The following TENM3 variants were observed in gnomAD, a reference collection of about 807,000 sequenced individuals.
The protein encoded by TENM3 is teneurin-3.
TENM3 carries 63 observed loss-of-function variants against 255.1 expected under a neutral mutation model. The observed-to-expected ratio is 0.25, with a 90% CI of 0.20 to 0.30. TENM3 has a LOEUF of 0.30. Ranked by LOEUF, TENM3 falls within the 10% of genes least tolerant of loss-of-function variation. The probability of loss-of-function intolerance (pLI) is 1.00; values close to 1 mark genes in which losing one functional copy is unlikely to be tolerated. For synonymous variants in TENM3, 1,306 were observed against 1,322.3 expected (o/e 0.99, Z 0.27); for missense variants, 2,929 against 3,461.1 (o/e 0.85, Z 3.86).
intron 24 of TENM3, among the ~76,000 whole-genome samples, chr4:182,776,267 C>T (rs1489418285): frequency 2.0e-5 from 3 of 152,100 alleles, no homozygotes. Flanking sequence ...CAAAAATCAG[C>T]CAGGCGTGGA....
chr4:181,585,515 A>C, the TENM3 span, among the ~76,000 whole-genome samples: 3,504 of 152,298 alleles, frequency 0.023, 157 homozygotes, highest in African/African-American at 0.081. Context: ...ATATACTAAA[A>C]AATGAGACTA....
rs556765217 is a variant in TENM3 at position 182,287,537 on chromosome 4, G to T, written c.-75-36409G>T. ...GAAATGTTTGTCCTGACCAGCCTAGGACAAGTAGTTGTCCTCTCCTCAACA... is the reference window on the plus strand; with the variant it reads ...GAAATGTTTGTCCTGACCAGCCTAGTACAAGTAGTTGTCCTCTCCTCAACA... On this transcript the variant is annotated intron_variant, in intron 1 of 27. Transcript: ENST00000511685. Among the ~76,000 whole-genome samples, 5 of 152,266 alleles carry T rather than the reference G, an allele frequency of 3.3e-5. No homozygotes were observed. The East Asian group carries it at 5.8e-4, about 18-fold the overall frequency.
At chr4:181,727,286 C>CTT in the TENM3 span, among the ~76,000 whole-genome samples, 1 of 152,180 alleles carries the variant, frequency 6.6e-6, no homozygotes. Flanking sequence ...TTCCAAAAAT[C>CTT]ACCTCATTAA....
At chr4:181,755,356 C>CT in the TENM3 span, among the ~76,000 whole-genome samples, 16 of 151,068 alleles carry the variant, frequency 1.1e-4, no homozygotes, top group East Asian at 1.9e-4. Context: ...TTTGTACTCA[C>CT]TTTTTTTTTA....
the TENM3 span, among the ~76,000 whole-genome samples, chr4:181,549,318 A>G: frequency 6.6e-6 from 1 of 152,122 alleles, no homozygotes; most frequent in African/African-American, 2.4e-5. Flanking sequence ...GATGACTCAC[A>G]TCCTCTTTAT....
At chr4:182,349,993 T>C (rs1765065455) in intron 3 of TENM3, 1 of 161,540 alleles carries the variant, frequency 6.2e-6, no homozygotes, top group Admixed American at 6.5e-5. Context: ...TTGACTGTTT[T>C]CTTCATTTGA....
intron 1 of TENM3, among the ~76,000 whole-genome samples, chr4:182,212,278 G>T (rs183680327): frequency 2.7e-4 from 41 of 152,304 alleles, no homozygotes; most frequent in African/African-American, 9.1e-4. Flanking sequence ...AGCCTTGACC[G>T]CCACATGGCT....
chr4:182,064,016 G>A, the TENM3 span, among the ~76,000 whole-genome samples: 1 of 152,090 alleles, frequency 6.6e-6, no homozygotes, highest in African/African-American at 2.4e-5. Flanking sequence ...AAAAGCACGG[G>A]CTTGAAGACC....
At chr4:181,817,955 G>T in the TENM3 span, among the ~76,000 whole-genome samples, 17 of 152,158 alleles carry the variant, frequency 1.1e-4, no homozygotes, top group African/African-American at 3.6e-4. Flanking sequence ...TGTTTGTAGT[G>T]GTTTGTTGCT....
chr4:181,811,655 C>G, the TENM3 span, among the ~76,000 whole-genome samples: 1 of 152,218 alleles, frequency 6.6e-6, no homozygotes, highest in Non-Finnish European at 1.5e-5. Context: ...GGGCGTCTTA[C>G]ATGGTGGCAG....
chr4:182,600,603 G>T (rs1047586864), intron 3 of TENM3, among the ~76,000 whole-genome samples: 1 of 151,942 alleles, frequency 6.6e-6, no homozygotes, highest in Non-Finnish European at 1.5e-5. Flanking sequence ...CACATTAGAG[G>T]AGCTGTCAGA....
chr4:182,043,889 A>C, the TENM3 span, among the ~76,000 whole-genome samples: 3 of 152,188 alleles, frequency 2.0e-5, no homozygotes, highest in Admixed American at 2.0e-4. Flanking sequence ...CCACTATAAT[A>C]AAAACACGCC....
chr4:182,438,709 C>A (rs760734085), intron 3 of TENM3, among the ~76,000 whole-genome samples: 1 of 152,194 alleles, frequency 6.6e-6, no homozygotes, highest in Non-Finnish European at 1.5e-5. Context: ...CTGCTTATAT[C>A]ATCTGTACTG....
chr4:181,637,607 GCT>G, the TENM3 span, among the ~76,000 whole-genome samples: 1 of 152,150 alleles, frequency 6.6e-6, no homozygotes, highest in Admixed American at 6.6e-5. Context: ...CACTGACAAG[GCT>G]CCACCCTCCT....
the TENM3 span, among the ~76,000 whole-genome samples, chr4:181,970,219 TA>T: frequency 1.3e-3 from 193 of 152,332 alleles, no homozygotes; most frequent in African/African-American, 4.4e-3. Context: ...TAATGAGGGT[TA>T]AAAATATGTA....
the TENM3 span, among the ~76,000 whole-genome samples, chr4:181,530,279 G>A: frequency 6.6e-6 from 1 of 152,202 alleles, no homozygotes; most frequent in Non-Finnish European, 1.5e-5. Flanking sequence ...TTTGCATTAT[G>A]TGGCACCAAT....
intron 3 of TENM3, among the ~76,000 whole-genome samples, chr4:182,416,101 T>A (rs1397687995): frequency 6.6e-6 from 1 of 152,218 alleles, no homozygotes; most frequent in East Asian, 1.9e-4. Context: ...ATAATATTTG[T>A]GAAAATTTGA....
chr4:182,203,446 G>T (rs1329050663), intron 1 of TENM3, among the ~76,000 whole-genome samples: 3 of 152,144 alleles, frequency 2.0e-5, no homozygotes, highest in South Asian at 2.1e-4. Context: ...ATTTCTCAAA[G>T]AACAGAGGGC....
chr4:182,615,865 CT>C (rs1749464465), intron 4 of TENM3, among the ~76,000 whole-genome samples: 1 of 152,226 alleles, frequency 6.6e-6, no homozygotes, highest in Non-Finnish European at 1.5e-5. Flanking sequence ...CCAGCAGTGA[CT>C]TTCTAAGCAG....
Sources: gnomAD v4.1 joint callset for allele counts (sites outside exome capture counted in the v4.1 genomes callset) on GRCh38, gnomAD v4.1.1 for gene constraint, MANE v1.5 for transcripts, NCBI Gene and HGNC (gene_info 2026-07-23, HGNC 2026-07-21) for gene names.